GRAMD1C: variants seen among roughly 807,000 people sequenced by gnomAD.
GRAMD1C encodes protein Aster-C.
A neutral mutation model predicts 97.8 loss-of-function variants in GRAMD1C; 89 were observed. The ratio of observed to expected loss-of-function variants is 0.91; its 90% CI spans 0.77 to 1.09. GRAMD1C has a LOEUF of 1.09. Ranked by LOEUF, GRAMD1C falls within the 50% of genes least tolerant of loss-of-function variation. GRAMD1C has a pLI of 0.00. For synonymous variants in GRAMD1C, 256 were observed against 267.0 expected (o/e 0.96, Z 0.40); for missense variants, 740 against 766.4 (o/e 0.97, Z 0.41).
intron 6 of GRAMD1C, among the ~76,000 whole-genome samples, chr3:113,886,386 G>A (rs1330603945): frequency 6.6e-6 from 1 of 152,208 alleles, no homozygotes; most frequent in Non-Finnish European, 1.5e-5. Flanking sequence ...AGCCAAGTCA[G>A]CTTTGTTGTG....
intron 13 of GRAMD1C, among the ~76,000 whole-genome samples, chr3:113,935,931 T>C (rs1937570177): frequency 6.6e-6 from 1 of 152,238 alleles, no homozygotes; most frequent in Non-Finnish European, 1.5e-5. Context: ...ATAATCTGTC[T>C]TTGAAATCTT....
intron 8 of GRAMD1C, among the ~76,000 whole-genome samples, chr3:113,907,671 A>G (rs1171193617): frequency 6.6e-6 from 1 of 152,346 alleles, no homozygotes; most frequent in East Asian, 1.9e-4. Flanking sequence ...TTTTTAAGCT[A>G]TAGAATTAAT....
intron 1 of GRAMD1C, among the ~76,000 whole-genome samples, chr3:113,833,391 C>T (rs1324062968): frequency 6.6e-6 from 1 of 152,022 alleles, no homozygotes; most frequent in East Asian, 1.9e-4. Flanking sequence ...GCCCCCTCAG[C>T]CTTCCAAAGT....
In GRAMD1C at chr3:113,876,230, C is replaced by A. The variant is rs368678833; in HGVS notation, c.429C>A (p.Asn143Lys). 6.3e-7 allele frequency: 1 copy of A among 1,591,444 alleles called. No individual in the cohort carries two copies. The highest frequency in any genetic ancestry group is 1.3e-5 in the African/African-American group (1 of 74,560). ...TKEKTARLIP[N>K]AIQIVTESEK... Reference sequence around the variant, plus strand: ...AAAAAACTGCTCGACTCATCCCAAACGCTATCCAGATAGTTACAGAAAGTG... The same window carrying A: ...AAAAAACTGCTCGACTCATCCCAAAAGCTATCCAGATAGTTACAGAAAGTG... Residue 143 changes from asparagine (N) to lysine (K), a missense_variant, in exon 5 of 18, where the codon AAC becomes AAA. Asn to Lys is a moderately conservative substitution (Grantham distance 94). Transcript: ENST00000358160.
intron 6 of GRAMD1C, among the ~76,000 whole-genome samples, chr3:113,896,656 C>T (rs1935962763): frequency 6.6e-6 from 1 of 152,176 alleles, no homozygotes; most frequent in African/African-American, 2.4e-5. Context: ...GAAGCTGCCC[C>T]CACAGTGGGC....
intron 2 of GRAMD1C, among the ~76,000 whole-genome samples, chr3:113,864,111 A>G (rs1483868221): frequency 6.6e-6 from 1 of 151,980 alleles, no homozygotes; most frequent in Non-Finnish European, 1.5e-5. Context: ...TTTGCTGCCT[A>G]GATACTTTAT....
At position 113,946,258 on chromosome 3, in the gene GRAMD1C, G is replaced by T. The variant is rs1408583814; in HGVS notation, c.*780G>T. ...CAGATCAAATGCATACTTGAACTAA[G>T]ATTGGCTTCAGCTTAGCAGTCTTTC... On this transcript the variant is annotated 3_prime_UTR_variant, in exon 18 of 18. Coordinates refer to ENST00000358160, the MANE Select transcript of GRAMD1C (RefSeq NM_017577.5). 6 of 152,646 alleles carry T rather than the reference G, an allele frequency of 3.9e-5. No homozygotes were observed. The highest frequency in any genetic ancestry group is 7.4e-5 in the Non-Finnish European group (5 of 68,026). 9.5% of individuals were successfully genotyped at this position (152,646 alleles called of 1,614,324 possible).
chr3:113,853,640 T>C (rs1373800582), intron 2 of GRAMD1C, among the ~76,000 whole-genome samples: 1 of 152,190 alleles, frequency 6.6e-6, no homozygotes, highest in East Asian at 1.9e-4. Context: ...CACGAGAATG[T>C]TCTAAGTGAA....
At chr3:113,921,238 A>C (rs1438069560) in intron 10 of GRAMD1C, among the ~76,000 whole-genome samples, 2 of 152,116 alleles carry the variant, frequency 1.3e-5, no homozygotes, top group Non-Finnish European at 2.9e-5. Flanking sequence ...AAAGGGCATG[A>C]CCTTGTTATT....
chr3:113,877,543 G>A (rs971578470), intron 5 of GRAMD1C, among the ~76,000 whole-genome samples: 2 of 152,062 alleles, frequency 1.3e-5, no homozygotes, highest in African/African-American at 2.4e-5. Flanking sequence ...TTATTTTGTA[G>A]GATATCTCTC....
At chr3:113,896,579 A>G (rs1373085808) in intron 6 of GRAMD1C, among the ~76,000 whole-genome samples, 2 of 152,260 alleles carry the variant, frequency 1.3e-5, no homozygotes, top group East Asian at 3.8e-4. Context: ...TCGTAAATAT[A>G]TTTAGTTACA....
At chr3:113,893,240 A>G (rs1227318712) in intron 6 of GRAMD1C, among the ~76,000 whole-genome samples, 1 of 152,002 alleles carries the variant, frequency 6.6e-6, no homozygotes, top group Non-Finnish European at 1.5e-5. Flanking sequence ...ATGCTTGCTT[A>G]TTTTTGCTTC....
intron 2 of GRAMD1C, 28 bp from the exon 3 acceptor site, chr3:113,869,475 TAGAC>T (rs538758082): frequency 3.9e-6 from 4 of 1,013,706 alleles, no homozygotes; most frequent in Non-Finnish European, 6.1e-6. Flanking sequence ...TAATTACAAT[TAGAC>T]AGAAATGTAA....
intron 6 of GRAMD1C, among the ~76,000 whole-genome samples, chr3:113,886,402 A>AT (rs201850547): frequency 6.6e-6 from 1 of 152,164 alleles, no homozygotes; most frequent in African/African-American, 2.4e-5. Flanking sequence ...TTGTGATTCG[A>AT]TTTTTTTAAA....
At chr3:113,878,937 T>G (rs1935156770) in intron 5 of GRAMD1C, among the ~76,000 whole-genome samples, 1 of 152,166 alleles carries the variant, frequency 6.6e-6, no homozygotes, top group Non-Finnish European at 1.5e-5. Context: ...CCAGGCGCAG[T>G]GGCTCACACC....
chr3:113,852,966 G>C (rs1053488561), intron 2 of GRAMD1C, among the ~76,000 whole-genome samples: 1 of 152,126 alleles, frequency 6.6e-6, no homozygotes, highest in Non-Finnish European at 1.5e-5. Flanking sequence ...TTGGGGCTTG[G>C]ATTTAGTACT....
chr3:113,886,894 G>T (rs1577165560), intron 6 of GRAMD1C, among the ~76,000 whole-genome samples: 2 of 142,148 alleles, frequency 1.4e-5, no homozygotes, highest in Admixed American at 7.5e-5. Context: ...GGATTCTCCT[G>T]CCTCAGCCTC....
intron 6 of GRAMD1C, chr3:113,897,460 C>T (rs1009429852): frequency 7.8e-6 from 7 of 897,126 alleles, no homozygotes; most frequent in Non-Finnish European, 9.3e-6. Flanking sequence ...GTAGGAGTGG[C>T]TTAGGAACCT....
rs1709693116 is a variant in GRAMD1C, at chr3:113,838,893, C to CGGCGGAGGGAGCCGCGAT, written c.-14_4dup. 1.1e-5 allele frequency: 13 copies of CGGCGGAGGGAGCCGCGAT among 1,231,694 alleles called. No individual in the cohort carries two copies. The highest frequency in any genetic ancestry group is 1.3e-5 in the Non-Finnish European group (13 of 986,258). 76.3% of individuals were successfully genotyped at this position (1,231,694 alleles called of 1,614,324 possible). On this transcript the variant is annotated 5_prime_UTR_variant, in exon 1 of 18. It adds an upstream start codon to the 5' untranslated region. Coordinates refer to ENST00000358160, the MANE Select transcript of GRAMD1C (RefSeq NM_017577.5). Reference sequence around the variant, plus strand: ...CGGTGCGCGCGGGGCGGTGCCGCGGCGGCGGAGGGAGCCGCGATGGAGGGC... The same window carrying CGGCGGAGGGAGCCGCGAT: ...CGGTGCGCGCGGGGCGGTGCCGCGGCGGCGGAGGGAGCCGCGATGGCGGAGGGAGCCGCGATGGAGGGC...
Sources: allele counts gnomAD v4.1 joint callset (sites outside exome capture counted in the v4.1 genomes callset), GRCh38; gene constraint gnomAD v4.1.1; transcripts MANE v1.5; gene names NCBI Gene and HGNC (gene_info 2026-07-23, HGNC 2026-07-21).